The following AUTS2 variants were observed in gnomAD, a reference collection of about 807,000 sequenced individuals.
AUTS2 encodes the protein activator of transcription and developmental regulator AUTS2.
A neutral mutation model predicts 112.4 loss-of-function variants in AUTS2; 17 were observed. The ratio of observed to expected loss-of-function variants is 0.15; its 90% CI spans 0.10 to 0.23. AUTS2 has a LOEUF of 0.23. AUTS2 is among the 10% of genes least tolerant of loss of function. The pLI is 1.00. For synonymous variants in AUTS2, 751 were observed against 702.7 expected, an observed-to-expected ratio of 1.07 and a Z score of -1.09; for missense variants, 1,510 against 1,701.6, an observed-to-expected ratio of 0.89 and a Z score of 1.98.
intron 2 of AUTS2, among the ~76,000 whole-genome samples, chr7:70,035,687 T>C (rs115032737): frequency 2.6e-4 from 39 of 152,314 alleles, no homozygotes; most frequent in African/African-American, 9.4e-4. Context: ...AATAAGAGAA[T>C]GGAACCAGCT....
intron 5 of AUTS2, among the ~76,000 whole-genome samples, chr7:70,561,436 G>C (rs933620671): frequency 6.6e-6 from 1 of 152,200 alleles, no homozygotes; most frequent in African/African-American, 2.4e-5. Context: ...GCCAGTCTGG[G>C]CAGCATAGCA....
rs548669573 is a variant in AUTS2, at chr7:70,272,009, C to T, written c.660+137438C>T. Among the ~76,000 whole-genome samples the T allele has an allele frequency of 4.6e-5, 7 of 152,260 alleles. No individual in the cohort carries two copies. In the South Asian group the frequency reaches 1.5e-3, roughly 32 times the overall value. On this transcript the variant is annotated intron_variant, in intron 4 of 18. Coordinates refer to ENST00000342771, the MANE Select transcript of AUTS2 (RefSeq NM_015570.4). ...ATCACCTTGAACCTGGAGACTAGGA[C>T]GCGTCTCAGCACCAACTAATGAGAT...
chr7:69,918,213 G>A (rs1795669067), intron 2 of AUTS2, among the ~76,000 whole-genome samples: 1 of 152,152 alleles, frequency 6.6e-6, no homozygotes, highest in African/African-American at 2.4e-5. Flanking sequence ...AAAGGAAAAT[G>A]AATTTTAGAG....
intron 6 of AUTS2, among the ~76,000 whole-genome samples, chr7:70,759,696 G>A (rs145836850): frequency 2.6e-5 from 4 of 152,292 alleles, no homozygotes; most frequent in East Asian, 3.9e-4. Flanking sequence ...TGGCCTTTCC[G>A]GGGCCTTGGG....
Position 70,021,866 on chromosome 7 carries a change from T to C in AUTS2, c.523-96266T>C, listed in dbSNP as rs535456181. On this transcript the variant is annotated intron_variant, in intron 2 of 18. Coordinates refer to ENST00000342771, the MANE Select transcript of AUTS2 (RefSeq NM_015570.4). ...ATTCAAATACACAGGTTTATCTCTC[T>C]GACCTTTAGCTAATTATTAGATTGA... is the stretch of plus-strand genomic sequence containing the variant. Among the ~76,000 whole-genome samples, 19 of 152,280 alleles carry C rather than the reference T, an allele frequency of 1.2e-4. No individual in the cohort carries two copies. In the South Asian group the frequency reaches 3.9e-3, roughly 32 times the overall value.
chr7:69,671,959 G>A (rs1796347745), intron 1 of AUTS2, among the ~76,000 whole-genome samples: 1 of 152,096 alleles, frequency 6.6e-6, no homozygotes, highest in Admixed American at 6.5e-5. Flanking sequence ...AAGGCTTCTG[G>A]GCAGAAACAT....
At position 70,081,963 on chromosome 7, in the gene AUTS2, T is replaced by C. The variant is rs559155603; in HGVS notation, c.523-36169T>C. Among the ~76,000 whole-genome samples the C allele has an allele frequency of 9.3e-3, 1,356 of 146,230 alleles. 13 individuals are homozygous for C. Among genetic ancestry groups the C allele is most frequent in the African/African-American group, 0.023 (918 of 39,188 alleles). ...GTGTGTGTGTGTGTGTGTGTGTGTG[T>C]GTGCGCGCGCCTGTGTGTGTGTTTA... On this transcript the variant is annotated intron_variant, in intron 2 of 18. Coordinates refer to ENST00000342771, the MANE Select transcript of AUTS2 (RefSeq NM_015570.4).
At chr7:69,904,166 C>T (rs776056028) in intron 2 of AUTS2, among the ~76,000 whole-genome samples, 14 of 152,238 alleles carry the variant, frequency 9.2e-5, no homozygotes, top group Admixed American at 4.6e-4. Flanking sequence ...ACTGAGCCAC[C>T]CTCTCTTCCC....
intron 13 of AUTS2, among the ~76,000 whole-genome samples, chr7:70,775,933 G>T (rs1487500051): frequency 6.6e-6 from 1 of 152,174 alleles, no homozygotes; most frequent in Non-Finnish European, 1.5e-5. Context: ...CTGGTGGTTG[G>T]GGGTAAGACA....
At chr7:70,610,026 C>T (rs914919846) in intron 5 of AUTS2, among the ~76,000 whole-genome samples, 10 of 151,828 alleles carry the variant, frequency 6.6e-5, no homozygotes, top group African/African-American at 2.2e-4. Flanking sequence ...CTCACTCTGT[C>T]GCTTACTTAA....
intron 2 of AUTS2, among the ~76,000 whole-genome samples, chr7:69,929,406 T>G (rs1415724130): frequency 3.3e-5 from 5 of 152,120 alleles, no homozygotes; most frequent in Non-Finnish European, 7.4e-5. Context: ...ATCATTTTTA[T>G]GAAGTTTGGA....
At chr7:69,994,583 T>G (rs1215113210) in intron 2 of AUTS2, among the ~76,000 whole-genome samples, 1 of 152,210 alleles carries the variant, frequency 6.6e-6, no homozygotes, top group Non-Finnish European at 1.5e-5. Context: ...TTTTCTTTGT[T>G]CAACATACAC....
intron 2 of AUTS2, among the ~76,000 whole-genome samples, chr7:69,916,831 C>G (rs527858746): frequency 6.6e-6 from 1 of 152,336 alleles, no homozygotes; most frequent in African/African-American, 2.4e-5. Context: ...TGATGACTAG[C>G]TTCTCATCTG....
intron 4 of AUTS2, among the ~76,000 whole-genome samples, chr7:70,360,781 AC>A (rs571299637): frequency 4.6e-5 from 7 of 152,136 alleles, no homozygotes; most frequent in Non-Finnish European, 8.8e-5. Flanking sequence ...CTGAAGGCTG[AC>A]CGTGAGCTGT....
chr7:69,989,233 T>C (rs1289905242), intron 2 of AUTS2, among the ~76,000 whole-genome samples: 2 of 152,186 alleles, frequency 1.3e-5, no homozygotes, highest in Non-Finnish European at 2.9e-5. Context: ...GAGAGTAAGC[T>C]GTTGTTCCCA....
chr7:69,888,707 G>A (rs1365123679), intron 1 of AUTS2, among the ~76,000 whole-genome samples: 5 of 151,328 alleles, frequency 3.3e-5, no homozygotes, highest in Non-Finnish European at 7.4e-5. Flanking sequence ...TCAGCCTCCC[G>A]AGTAGCTGGG....
chr7:70,762,650 A>G (rs1213677675), intron 6 of AUTS2, among the ~76,000 whole-genome samples: 2 of 151,986 alleles, frequency 1.3e-5, no homozygotes, highest in African/African-American at 4.8e-5. Flanking sequence ...ATTGCTCCCC[A>G]TGGTCAAAGG....
At chr7:70,676,675 G>C (rs1248521739) in intron 5 of AUTS2, among the ~76,000 whole-genome samples, 1 of 152,092 alleles carries the variant, frequency 6.6e-6, no homozygotes, top group Non-Finnish European at 1.5e-5. Flanking sequence ...TCAGGAGTTT[G>C]AGACCAGCCT....
chr7:70,676,421 G>T (rs563311393), intron 5 of AUTS2, among the ~76,000 whole-genome samples: 1 of 151,672 alleles, frequency 6.6e-6, no homozygotes, highest in African/African-American at 2.4e-5. Flanking sequence ...GACAGAGCCA[G>T]ACCCTGTCTC....
Sources: allele counts gnomAD v4.1 joint callset (sites outside exome capture counted in the v4.1 genomes callset), GRCh38; gene constraint gnomAD v4.1.1; transcripts MANE v1.5; gene names NCBI Gene and HGNC (gene_info 2026-07-23, HGNC 2026-07-21).